The following GFPT2 variants were observed in gnomAD, a reference collection of about 807,000 sequenced individuals.
GFPT2 encodes the protein glutamine--fructose-6-phosphate aminotransferase [isomerizing] 2.
GFPT2 carries 62 observed loss-of-function variants against 85.6 expected under a neutral mutation model. That is an observed-to-expected ratio of 0.72 (90% CI 0.59 to 0.90). The LOEUF (loss-of-function observed/expected upper bound fraction) is 0.90, where lower values mean the gene tolerates loss of function less well. GFPT2 is among the 40% of genes least tolerant of loss of function. The pLI is 0.00. For synonymous variants in GFPT2, 368 were observed against 344.5 expected, an observed-to-expected ratio of 1.07 and a Z score of -0.75; for missense variants, 788 against 893.4, an observed-to-expected ratio of 0.88 and a Z score of 1.50.
chr5:180,314,595 T>G (rs1410336465), intron 13 of GFPT2, among the ~76,000 whole-genome samples: 1 of 152,098 alleles, frequency 6.6e-6, no homozygotes, highest in African/African-American at 2.4e-5. Flanking sequence ...TCCTCATGAG[T>G]CGGGAGGCTG....
chr5:180,313,416 C>T (rs1289057829), intron 14 of GFPT2, among the ~76,000 whole-genome samples: 14 of 148,260 alleles, frequency 9.4e-5, no homozygotes, highest in Admixed American at 6.7e-4. Flanking sequence ...ACGGTGAAAC[C>T]CCGTCTCTAC....
chr5:180,305,618 C>G (rs772079150), intron 16 of GFPT2, among the ~76,000 whole-genome samples: 5 of 152,310 alleles, frequency 3.3e-5, no homozygotes, highest in Admixed American at 2.0e-4. Context: ...CTCCCAGTGA[C>G]CAGAGGACCA....
rs1018022200 is a variant in GFPT2, at chr5:180,328,663, G to C, written c.535-325C>G. 2.0e-5 allele frequency among the ~76,000 whole-genome samples: 3 copies of C among 152,234 alleles called. No homozygotes were observed. The highest frequency in any genetic ancestry group is 7.2e-5 in the African/African-American group (3 of 41,468). ...CACAGGAAATGATAGCTGGGACCAGGCTTCCCTGCCCTGCTCAGGGACAGC... is the reference window on the plus strand; with the variant it reads ...CACAGGAAATGATAGCTGGGACCAGCCTTCCCTGCCCTGCTCAGGGACAGC... On this transcript the variant is annotated intron_variant, in intron 6 of 18. Coordinates refer to ENST00000253778, the MANE Select transcript of GFPT2 (RefSeq NM_005110.4). The surrounding 1 kb of genome is among the most constrained non-coding windows in gnomAD (Gnocchi z 5.4).
intron 18 of GFPT2, 118 bp downstream of exon 18, chr5:180,302,305 G>T: frequency 2.8e-6 from 2 of 715,246 alleles, no homozygotes; most frequent in Non-Finnish European, 4.3e-6. Context: ...AAAAAAGAAA[G>T]CTACTTTAAA....
In GFPT2 at chr5:180,313,885, C is replaced by G; in HGVS notation, c.1353G>C (p.Val451=). 6.2e-7 allele frequency: 1 copy of G among 1,606,938 alleles called. No homozygotes were observed. The highest frequency in any genetic ancestry group is 8.5e-7 in the Non-Finnish European group (1 of 1,179,286). Residue 451 remains valine, a synonymous_variant, in exon 14 of 19, where the codon GTG becomes GTC. Transcript: ENST00000253778. The stretch of plus-strand genomic sequence containing the variant: ...CGGTCTCGCGAGAGATGGAGCTGCC[C>G]ACGGTGTTGGTGACGCCCACGGTGA... The part of the protein sequence containing the change: ...GALTVGVTNT[V]GSSISRETDC...
Position 180,307,373 on chromosome 5 carries a change from A to AT in GFPT2, c.1547-71dup, listed in dbSNP as rs35674568. The AT allele has an allele frequency of 8.1e-3, 12,128 of 1,506,026 alleles. 417 individuals carry two copies. In the African/African-American group the frequency reaches 0.094, roughly 12 times the overall value. The allele number at this position is 1,506,026 out of a possible 1,614,324, so 93.3% of individuals were successfully genotyped here. A position where few individuals can be genotyped will look rare whatever the true frequency, so the allele number is the denominator to read the frequency against. ...TTTAAAGCAATATTCATGAAGACAA[A>AT]TGCTGGGGTTTAAGAGGAGCTTTTG... On this transcript the variant is annotated intron_variant, in intron 15 of 18. Coordinates refer to ENST00000253778, the MANE Select transcript of GFPT2 (RefSeq NM_005110.4).
chr5:180,345,972 C>T lies in GFPT2; in HGVS notation c.7+7239G>A, dbSNP rs376061005. Among the ~76,000 whole-genome samples, 133 of 152,120 alleles carry T rather than the reference C, an allele frequency of 8.7e-4. 2 individuals are homozygous for T. The South Asian group carries it at 0.027, about 30-fold the overall frequency. ...TCAAACACAGAGGCTTACATCCCCC[C>T]GCACAACACCCCCGGCCCCATGCAC... On this transcript the variant is annotated intron_variant, in intron 1 of 18. Transcript: ENST00000253778.
chr5:180,335,284 CG>C (rs771916195), intron 4 of GFPT2, among the ~76,000 whole-genome samples: 30 of 152,338 alleles, frequency 2.0e-4, no homozygotes, highest in South Asian at 4.1e-4. Flanking sequence ...CTTCGGGCTG[CG>C]GCCCCTACTT....
chr5:180,318,762 C>G lies in GFPT2; in HGVS notation c.958+31G>C, dbSNP rs748624325. On this transcript the variant is annotated intron_variant, in intron 10 of 18. Coordinates refer to ENST00000253778, the MANE Select transcript of GFPT2 (RefSeq NM_005110.4). The surrounding 1 kb of genome is among the most constrained non-coding windows in gnomAD (Gnocchi z 4.2). The stretch of plus-strand genomic sequence containing the variant: ...CCACCAGGCGCGCTGGCTCCCGAGG[C>G]TGCCGCACGTGGACTCTGGAGGACA... 4.4e-6 allele frequency: 7 copies of G among 1,600,810 alleles called. No homozygotes were observed. The Admixed American group carries it at 1.2e-4, about 27-fold the overall frequency.
At chr5:180,335,441 C>A (rs1366337736) in intron 4 of GFPT2, among the ~76,000 whole-genome samples, 2 of 152,234 alleles carry the variant, frequency 1.3e-5, no homozygotes, top group African/African-American at 2.4e-5. Flanking sequence ...AAGGACAGAA[C>A]CCATCCTTGC....
Position 180,307,255 on chromosome 5 carries a change from G to C in GFPT2, c.1595C>G (p.Ala532Gly), listed in dbSNP as rs1186336602. ...LSLEEKIHDL[A>G]LELYTQRSLL... ...CGATCTCTGCGTGTAGAGCTCCAGG[G>C]CCAAGTCGTGGATCTTCTCCTCCAG... Residue 532 changes from alanine (A) to glycine (G), a missense_variant, in exon 16 of 19, where the codon GCC (alanine) becomes GGC (glycine). Transcript: ENST00000253778. 1 of 1,612,748 alleles carries C rather than the reference G, an allele frequency of 6.2e-7. No individual in the cohort carries two copies. Among genetic ancestry groups the C allele is most frequent in the Non-Finnish European group, 8.5e-7 (1 of 1,179,038 alleles).
intron 1 of GFPT2, 176 bp downstream of exon 1, chr5:180,353,035 G>C (rs1561887219): frequency 2.3e-6 from 1 of 436,628 alleles, no homozygotes; most frequent in Non-Finnish European, 3.7e-6. Flanking sequence ...CTCGGGGAAC[G>C]CGGGTGAGGG....
Position 180,303,380 on chromosome 5 carries a change from G to A in GFPT2, c.1843-796C>T, listed in dbSNP as rs573912955. Among the ~76,000 whole-genome samples the A allele has an allele frequency of 5.3e-5, 8 of 152,330 alleles. No homozygotes were observed. In the East Asian group the frequency reaches 7.7e-4, roughly 15 times the overall value. ...AAATGATGAGGGGACAACCCTCGGC[G>A]GAGCATTCTGTGGGAAGGGCATTCC... On this transcript the variant is annotated intron_variant, in intron 17 of 18. Transcript: ENST00000253778.
intron 16 of GFPT2, 81 bp downstream of exon 16, chr5:180,307,095 C>T (rs1400632209): frequency 4.8e-6 from 6 of 1,240,416 alleles, no homozygotes; most frequent in Non-Finnish European, 6.8e-6. Context: ...AAGCCCAACG[C>T]CCTGCCCTCC....
intron 1 of GFPT2, among the ~76,000 whole-genome samples, chr5:180,350,101 C>T (rs930040166): frequency 6.6e-6 from 1 of 152,070 alleles, no homozygotes; most frequent in African/African-American, 2.4e-5. Context: ...TGTGGCACTG[C>T]CCCAGGTCCC....
chr5:180,306,205 G>C (rs181997712), intron 16 of GFPT2, among the ~76,000 whole-genome samples: 277 of 152,094 alleles, frequency 1.8e-3, no homozygotes, highest in Non-Finnish European at 2.8e-3. Flanking sequence ...GGCTGGTCTC[G>C]AACTCCTGAC....
chr5:180,316,296 G>C, intron 13 of GFPT2, 45 bp downstream of exon 13: 1 of 1,608,554 alleles, frequency 6.2e-7, no homozygotes, highest in Admixed American at 1.7e-5. Context: ...AGAGAGCCCA[G>C]AGCTGACCTG....
rs558763448 is a variant in GFPT2, at chr5:180,323,234, G to A, written c.794+954C>T. Among the ~76,000 whole-genome samples the A allele has an allele frequency of 2.6e-5, 4 of 151,896 alleles. No homozygotes were observed. Among genetic ancestry groups the A allele is most frequent in the Non-Finnish European group, 5.9e-5 (4 of 67,986 alleles). On this transcript the variant is annotated intron_variant, in intron 9 of 18. Coordinates refer to ENST00000253778, the MANE Select transcript of GFPT2 (RefSeq NM_005110.4). This position sits in a 1 kb window ranked among gnomAD's most constrained non-coding sequence, Gnocchi z 4.0. ...ATACCAGCGTCTCGTTGGTATTCTC[G>A]GCGTGTTCTAAGGGGCACCATTTGG... is the stretch of plus-strand genomic sequence containing the variant.
chr5:180,309,960 A>T (rs2386858), intron 15 of GFPT2, among the ~76,000 whole-genome samples: 7 of 150,736 alleles, frequency 4.6e-5, no homozygotes, highest in East Asian at 2.0e-4. Flanking sequence ...ACAGGTGCCC[A>T]CCACCACGCC....
Sources: gnomAD v4.1 joint callset for allele counts (sites outside exome capture counted in the v4.1 genomes callset) on GRCh38, gnomAD v4.1.1 for gene constraint, Gnocchi (gnomAD v3.1) non-coding constraint, MANE v1.5 for transcripts, NCBI Gene and HGNC (gene_info 2026-07-23, HGNC 2026-07-21) for gene names.